The following LASP1 variants were observed in gnomAD, a reference collection of about 807,000 sequenced individuals.
The protein encoded by LASP1 is LIM and SH3 domain protein 1.
In LASP1, 10 loss-of-function variants were observed where a neutral mutation model predicts 38.6. That is an observed-to-expected ratio of 0.26 (90% CI 0.16 to 0.44). LASP1 has a LOEUF of 0.44. LASP1 is among the 20% of genes least tolerant of loss of function. The pLI is 1.00. For synonymous variants in LASP1, 132 were observed against 140.8 expected (o/e 0.94, Z 0.44); for missense variants, 243 against 375.7 (o/e 0.65, Z 2.92).
intron 2 of LASP1, among the ~76,000 whole-genome samples, chr17:38,879,778 A>G (rs1913889125): frequency 6.6e-6 from 1 of 151,994 alleles, no homozygotes; most frequent in Non-Finnish European, 1.5e-5. Flanking sequence ...CATTCAGCAG[A>G]CATTTATTGC....
intron 3 of LASP1, among the ~76,000 whole-genome samples, chr17:38,891,775 G>T (rs1302267795): frequency 6.6e-6 from 1 of 152,206 alleles, no homozygotes; most frequent in Non-Finnish European, 1.5e-5. Context: ...TAATAAACAT[G>T]ATAGTTCCTT....
In LASP1 at chr17:38,920,202, C is replaced by T. The variant is rs1164231586; in HGVS notation, c.*1424C>T. 1.6e-5 allele frequency: 8 copies of T among 501,852 alleles called. No individual in the cohort carries two copies. The highest frequency in any genetic ancestry group is 2.3e-5 in the Non-Finnish European group (6 of 256,578). The allele number at this position is 501,852 out of a possible 1,614,324, so 31.1% of individuals were successfully genotyped here. ...TAAGCGGTGGAGGAAGGCTCTGTCA[C>T]TCCAGGCATATGTTTCCCCATCTCT... On this transcript the variant is annotated 3_prime_UTR_variant, in exon 7 of 7. Coordinates refer to ENST00000318008, the MANE Select transcript of LASP1 (RefSeq NM_006148.4).
chr17:38,901,346 G>A (rs547145239), intron 4 of LASP1, among the ~76,000 whole-genome samples: 2 of 152,222 alleles, frequency 1.3e-5, no homozygotes, highest in African/African-American at 2.4e-5. Context: ...TACCCTTCTC[G>A]CGGTGCTGCA....
chr17:38,894,229 G>A (rs1755232664), intron 3 of LASP1, among the ~76,000 whole-genome samples: 1 of 152,188 alleles, frequency 6.6e-6, no homozygotes, highest in African/African-American at 2.4e-5. Flanking sequence ...CTGAGCTGGA[G>A]GTGTCTGTAT....
rs1437601905 is a variant in LASP1, at chr17:38,918,232, G to A, written c.613-373G>A. ...GGGCTCAAGCAGTTCTCCTGCCTTG[G>A]CCTCCCACAGTGCTGGGATTACAGG... On this transcript the variant is annotated intron_variant, in intron 6 of 6. Transcript: ENST00000318008. The surrounding 1 kb of genome is among the most constrained non-coding windows in gnomAD (Gnocchi z 4.4). Among the ~76,000 whole-genome samples the A allele has an allele frequency of 1.3e-5, 2 of 152,062 alleles. No individual in the cohort carries two copies. The highest frequency in any genetic ancestry group is 4.8e-5 in the African/African-American group (2 of 41,402).
Position 38,919,091 on chromosome 17 carries a change from C to T in LASP1, c.*313C>T, listed in dbSNP as rs1915223713. The T allele has an allele frequency of 7.2e-6, 3 of 414,990 alleles. No homozygotes were observed. Among genetic ancestry groups the T allele is most frequent in the African/African-American group, 6.0e-5 (3 of 50,194 alleles). 25.7% of individuals were successfully genotyped at this position (414,990 alleles called of 1,614,324 possible). On this transcript the variant is annotated 3_prime_UTR_variant, in exon 7 of 7. Transcript: ENST00000318008. ...TGGGCCTCACCTGCCCCTCTGTTCT[C>T]TCCCCTCACATCCTCCTGCCCAGCT...
rs750390168 is a variant in LASP1 at position 38,918,637 on chromosome 17, C to T, written c.645C>T (p.Ala215=). ...ACCGCGCGGTGTATGACTACAGCGC[C>T]GCCGACGAGGACGAGGTCTCCTTCC... ...KRYRAVYDYS[A]ADEDEVSFQD... is the part of the protein sequence containing the mutation. Residue 215 remains alanine, a synonymous_variant, in exon 7 of 7, where the codon GCC becomes GCT. Transcript: ENST00000318008. The surrounding 1 kb of genome is among the most constrained non-coding windows in gnomAD (Gnocchi z 4.4). 8.7e-6 allele frequency: 14 copies of T among 1,610,680 alleles called. No homozygotes were observed. The highest frequency in any genetic ancestry group is 5.3e-5 in the African/African-American group (4 of 74,850).
intron 6 of LASP1, chr17:38,916,517 A>C (rs967380598): frequency 1.3e-5 from 2 of 151,438 alleles, no homozygotes; most frequent in African/African-American, 4.9e-5. Flanking sequence ...CAGTGAGCCA[A>C]GATTGCACTA....
At chr17:38,870,327 G>A in intron 1 of LASP1, 69 bp downstream of exon 1, 2 of 1,558,426 alleles carry the variant, frequency 1.3e-6, no homozygotes, top group African/African-American at 1.4e-5. Flanking sequence ...GAGGAGAGAA[G>A]GGCCGGGTCT....
In LASP1 at chr17:38,879,624, A is replaced by AG. The variant is rs561492586; in HGVS notation, c.164+1447dup. On this transcript the variant is annotated intron_variant, in intron 2 of 6. Transcript: ENST00000318008. ...GGCTCTTTGCAGCTGAAGTTCACCC[A>AG]GGGAAAAAAAAATTTGGGACTTGTC... Among the ~76,000 whole-genome samples, 39 of 149,316 alleles carry AG rather than the reference A, an allele frequency of 2.6e-4. No homozygotes were observed. In the East Asian group the frequency reaches 7.4e-3, roughly 28 times the overall value.
intron 3 of LASP1, among the ~76,000 whole-genome samples, chr17:38,894,769 T>C (rs1296425076): frequency 6.6e-6 from 1 of 152,054 alleles, no homozygotes; most frequent in East Asian, 1.9e-4. Context: ...ACAGGGTCTC[T>C]CTCTGTCTCC....
chr17:38,907,016 A>C (rs1914793374), intron 4 of LASP1, among the ~76,000 whole-genome samples: 1 of 152,236 alleles, frequency 6.6e-6, no homozygotes, highest in Non-Finnish European at 1.5e-5. Context: ...AGCTTGGAGC[A>C]GGGATGAGCC....
intron 3 of LASP1, among the ~76,000 whole-genome samples, chr17:38,895,771 G>A (rs1914469906): frequency 1.3e-5 from 2 of 152,236 alleles, no homozygotes; most frequent in Non-Finnish European, 2.9e-5. Flanking sequence ...CTGCTGGGAT[G>A]AGAAGCAAGA....
intron 2 of LASP1, among the ~76,000 whole-genome samples, chr17:38,881,895 G>C (rs1051969847): frequency 6.6e-6 from 1 of 152,250 alleles, no homozygotes; most frequent in African/African-American, 2.4e-5. Flanking sequence ...TCAGATTTAA[G>C]CTCTAGAAAG....
chr17:38,896,114 G>A (rs1914483432), intron 3 of LASP1, among the ~76,000 whole-genome samples: 1 of 152,218 alleles, frequency 6.6e-6, no homozygotes, highest in Non-Finnish European at 1.5e-5. Context: ...GCCAGGGCAA[G>A]AAGGGAGCCC....
intron 3 of LASP1, among the ~76,000 whole-genome samples, chr17:38,896,468 C>T (rs1914494529): frequency 6.6e-6 from 1 of 152,180 alleles, no homozygotes; most frequent in Non-Finnish European, 1.5e-5. Context: ...GATCCTTCCC[C>T]AACAGGGAGG....
intron 4 of LASP1, among the ~76,000 whole-genome samples, chr17:38,902,157 G>C (rs541673299): frequency 6.6e-5 from 10 of 152,114 alleles, no homozygotes; most frequent in Non-Finnish European, 5.9e-5. Context: ...AATCTTCTGG[G>C]ATCAAGCCAT....
chr17:38,898,586 G>A (rs1914554390), intron 4 of LASP1, 67 bp downstream of exon 4: 1 of 1,192,898 alleles, frequency 8.4e-7, no homozygotes, highest in Non-Finnish European at 1.2e-6. Flanking sequence ...TGCCAGCCTG[G>A]CAGACGCAAG....
intron 4 of LASP1, among the ~76,000 whole-genome samples, chr17:38,900,170 C>T (rs1390163402): frequency 7.8e-6 from 1 of 128,866 alleles, no homozygotes; most frequent in Admixed American, 9.7e-5. Flanking sequence ...TGAGACTAGC[C>T]TGGGCAACAT....
Sources: gnomAD v4.1 joint callset for allele counts (sites outside exome capture counted in the v4.1 genomes callset) on GRCh38, gnomAD v4.1.1 for gene constraint, Gnocchi (gnomAD v3.1) non-coding constraint, MANE v1.5 for transcripts, NCBI Gene and HGNC (gene_info 2026-07-23, HGNC 2026-07-21) for gene names.